Variants in JAKMIP3 observed in about 807,000 individuals in gnomAD.
The protein encoded by JAKMIP3 is janus kinase and microtubule-interacting protein 3.
A neutral mutation model predicts 118.5 loss-of-function variants in JAKMIP3; 58 were observed. The observed-to-expected ratio is 0.49, with a 90% CI of 0.40 to 0.61. JAKMIP3 has a LOEUF of 0.61. Ranked by LOEUF, JAKMIP3 falls within the 20% of genes least tolerant of loss-of-function variation. The pLI is 0.00. For missense variants in JAKMIP3, 950 were observed against 1,109.0 expected (o/e 0.86, Z 2.04); for synonymous variants, 486 against 451.2 (o/e 1.08, Z -0.98).
rs2055463297 is a variant in JAKMIP3 at position 132,149,571 on chromosome 10, T to TCTCCGCCCCCGCCCCACCCCCC, written c.1947+62_1947+83dup. ...CTCACCCATCCCCCGCCCCACCCCC[T>TCTCCGCCCCCGCCCCACCCCCC]CTCCGCCCCCGCCCCACCCCCCTCC... On this transcript the variant is annotated intron_variant, in intron 15 of 23. Coordinates refer to ENST00000684848, the MANE Select transcript of JAKMIP3 (RefSeq NM_001323087.2). 1.6e-5 allele frequency: 5 copies of TCTCCGCCCCCGCCCCACCCCCC among 311,846 alleles called. 1 individual carries two copies. Among genetic ancestry groups the TCTCCGCCCCCGCCCCACCCCCC allele is most frequent in the South Asian group, 1.3e-4 (3 of 23,064 alleles). The allele number at this position is 311,846 out of a possible 1,614,324, so 19.3% of individuals were successfully genotyped here.
chr10:132,119,191 G>C (rs1443103663), intron 3 of JAKMIP3, among the ~76,000 whole-genome samples: 5 of 140,466 alleles, frequency 3.6e-5, no homozygotes, highest in African/African-American at 1.3e-4. Context: ...CCTCCGTACA[G>C]GCTTTTTTTT....
At position 132,153,467 on chromosome 10, in the gene JAKMIP3, G is replaced by T. The variant is rs545263358; in HGVS notation, c.2074-292G>T. 2.0e-5 allele frequency among the ~76,000 whole-genome samples: 3 copies of T among 152,226 alleles called. No individual in the cohort carries two copies. In the East Asian group the frequency reaches 5.8e-4, roughly 29 times the overall value. ...TTGGAGAAACAGGCCACCCCTCCCC[G>T]CCTGTCCTGGCAGAGCTCTGCAGAT... On this transcript the variant is annotated intron_variant, in intron 17 of 23. Transcript: ENST00000684848.
chr10:132,048,662 C>A (rs981355975), intron 1 of JAKMIP3, among the ~76,000 whole-genome samples: 1 of 99,322 alleles, frequency 1.0e-5, no homozygotes, highest in Non-Finnish European at 1.9e-5. Context: ...TTGACTGTTT[C>A]TTTTCTTTTT....
rs5789110 is a variant in JAKMIP3, at chr10:132,045,933, T to TAAAA, written c.-138+9207_-138+9210dup. Among the ~76,000 whole-genome samples, 413 of 144,198 alleles carry TAAAA rather than the reference T, an allele frequency of 2.9e-3. 3 individuals carry two copies. Among genetic ancestry groups the TAAAA allele is most frequent in the South Asian group, 0.019 (85 of 4,520 alleles). The allele number at this position is 144,198 out of a possible 152,430, so 94.6% of individuals were successfully genotyped here. ...TGGGTGACAGAGCAAGATCCTGTCT[T>TAAAA]AAAAAAAAAAAAAAATACACACACT... On this transcript the variant is annotated intron_variant, in intron 1 of 23. Coordinates refer to the JAKMIP3 transcript ENST00000657785.
rs200094359 is a variant in JAKMIP3, at chr10:132,138,187, C to G, written c.1344+9C>G. The G allele has an allele frequency of 3.4e-4, 549 of 1,607,154 alleles. 1 individual carries two copies. In the African/African-American group the frequency reaches 6.5e-3, roughly 19 times the overall value. ...TGGCAAAACTTCCCAAGGTAAGGAACAGCACACCGGCACGTGCGGAGAGTA... is the reference window on the plus strand; with the variant it reads ...TGGCAAAACTTCCCAAGGTAAGGAAGAGCACACCGGCACGTGCGGAGAGTA... On this transcript the variant is annotated intron_variant, in intron 9 of 23. Transcript: ENST00000684848.
chr10:132,126,819 T>C (rs902908640), intron 3 of JAKMIP3, among the ~76,000 whole-genome samples: 9 of 152,218 alleles, frequency 5.9e-5, no homozygotes, highest in African/African-American at 2.2e-4. Context: ...AAGCATTGTA[T>C]TTTTGGAATA....
Position 132,165,756 on chromosome 10 carries a change from C to T in JAKMIP3, c.2490+1021C>T, listed in dbSNP as rs549174221. On this transcript the variant is annotated intron_variant, in intron 21 of 23. Coordinates refer to ENST00000684848, the MANE Select transcript of JAKMIP3 (RefSeq NM_001323087.2). ...CTAGCCCTGCCCCGCCCCTCGTAGG[C>T]GGTGACACCCATGCCCTTCCACTGG... Among the ~76,000 whole-genome samples the T allele has an allele frequency of 5.9e-5, 9 of 152,356 alleles. No individual in the cohort carries two copies. In the South Asian group the frequency reaches 1.9e-3, roughly 32 times the overall value.
At chr10:132,145,629 TG>T (rs1247222990) in intron 13 of JAKMIP3, 49 bp downstream of exon 13, 4 of 1,491,804 alleles carry the variant, frequency 2.7e-6, no homozygotes, top group East Asian at 2.5e-5. Flanking sequence ...TCTATGCTCC[TG>T]GGGGTTGCAG....
chr10:132,078,331 C>T (rs1300512794), intron 1 of JAKMIP3, among the ~76,000 whole-genome samples: 1 of 135,618 alleles, frequency 7.4e-6, no homozygotes, highest in East Asian at 2.9e-4. Flanking sequence ...GGAAGGATTT[C>T]ATTTGCTGGG....
intron 1 of JAKMIP3, among the ~76,000 whole-genome samples, chr10:132,056,285 G>A (rs1318374935): frequency 6.6e-6 from 1 of 152,150 alleles, no homozygotes; most frequent in Non-Finnish European, 1.5e-5. Flanking sequence ...GAGGTGATGG[G>A]TGCAGCCCAT....
intron 23 of JAKMIP3, among the ~76,000 whole-genome samples, chr10:132,180,712 T>TGCGC (rs1483442696): frequency 3.8e-5 from 1 of 26,558 alleles, no homozygotes; most frequent in African/African-American, 4.0e-4. Context: ...TGTGTGCGCG[T>TGCGC]GTGTGTGCGT....
chr10:132,136,017 C>T lies in JAKMIP3; in HGVS notation c.1057C>T (p.His353Tyr), dbSNP rs759603919. ...RLSRKNEDLS[H>Y]ALRRMENKLK... ...CAGTCGGAAGAACGAGGATTTGTCT[C>T]ATGCTTTACGCCGAATGGAAAACAA... Residue 353 changes from histidine (H) to tyrosine (Y), a missense_variant, in exon 6 of 24, where the codon CAT becomes TAT. His to Tyr is a moderately conservative substitution (Grantham distance 83, BLOSUM62 2). Transcript: ENST00000684848. The T allele has an allele frequency of 1.2e-6, 2 of 1,613,720 alleles. No individual in the cohort carries two copies. The highest frequency in any genetic ancestry group is 2.2e-5 in the South Asian group (2 of 91,072).
rs568988506 is a variant in JAKMIP3, at chr10:132,038,272, C to T, written c.-138+1534C>T. Among the ~76,000 whole-genome samples the T allele has an allele frequency of 2.6e-5, 4 of 152,214 alleles. No homozygotes were observed. The East Asian group carries it at 5.8e-4, about 22-fold the overall frequency. ...TTCCGTTCAGGTGGGTTCAGTTCAG[C>T]ATGCCCTGCAGTCAGCGTTTCTCAC... On this transcript the variant is annotated intron_variant, in intron 1 of 23. Transcript: ENST00000657785.
chr10:132,120,825 G>T (rs1022868613), intron 3 of JAKMIP3, among the ~76,000 whole-genome samples: 1 of 152,246 alleles, frequency 6.6e-6, no homozygotes, highest in Non-Finnish European at 1.5e-5. Flanking sequence ...CTAAAATCCC[G>T]TGGTGACGGA....
intron 1 of JAKMIP3, among the ~76,000 whole-genome samples, chr10:132,068,185 T>C (rs962299938): frequency 6.6e-6 from 1 of 151,670 alleles, no homozygotes; most frequent in Non-Finnish European, 1.5e-5. Flanking sequence ...GTCTGGACTG[T>C]GGGCTTCCAT....
chr10:132,148,985 C>T (rs1281180949), intron 14 of JAKMIP3, among the ~76,000 whole-genome samples: 1 of 152,196 alleles, frequency 6.6e-6, no homozygotes, highest in Non-Finnish European at 1.5e-5. Flanking sequence ...ACGACCTCGG[C>T]CACGTGGGCC....
intron 4 of JAKMIP3, among the ~76,000 whole-genome samples, chr10:132,134,550 G>C (rs1361872328): frequency 6.6e-6 from 1 of 152,156 alleles, no homozygotes; most frequent in East Asian, 1.9e-4. Context: ...TCTTTTGGAA[G>C]TCTCCCACAA....
At chr10:132,051,754 G>A (rs535714715) in intron 1 of JAKMIP3, among the ~76,000 whole-genome samples, 78 of 152,192 alleles carry the variant, frequency 5.1e-4, no homozygotes, top group Non-Finnish European at 7.4e-4. Context: ...CAGAGGCATC[G>A]GCAATCACAC....
intron 23 of JAKMIP3, among the ~76,000 whole-genome samples, chr10:132,169,603 T>C (rs1590025500): frequency 6.6e-6 from 1 of 152,034 alleles, no homozygotes. Context: ...TGGGGCAGGG[T>C]GAGCCGGTTC....
Sources: allele counts gnomAD v4.1 joint callset (sites outside exome capture counted in the v4.1 genomes callset), GRCh38; gene constraint gnomAD v4.1.1; transcripts MANE v1.5; gene names NCBI Gene and HGNC (gene_info 2026-07-23, HGNC 2026-07-21).